The following HYDIN variants were observed in gnomAD, a reference collection of about 807,000 sequenced individuals.
HYDIN encodes HYDIN axonemal central pair apparatus protein, also known as axonemal central pair apparatus protein HYDIN.
Under a neutral mutation model 403.9 loss-of-function variants are expected in HYDIN, and 132 were observed. The observed-to-expected ratio is 0.33, with a 90% CI of 0.28 to 0.38. The LOEUF is 0.38. HYDIN is among the 10% of genes least tolerant of loss of function. HYDIN has a pLI of 1.00. For missense variants in HYDIN, 2,827 were observed against 5,009.5 expected (o/e 0.56, Z 13.15); for synonymous variants, 1,202 against 1,891.7 (o/e 0.64, Z 9.46).
intron 18 of HYDIN, among the ~76,000 whole-genome samples, chr16:71,056,578 G>A (rs1408242312): frequency 6.6e-6 from 1 of 152,060 alleles, no homozygotes; most frequent in Non-Finnish European, 1.5e-5. Context: ...CAGTGGTGCT[G>A]TGCTGTGTGG....
chr16:70,818,991 G>T (rs1370518630), intron 83 of HYDIN, among the ~76,000 whole-genome samples: 1 of 151,962 alleles, frequency 6.6e-6, no homozygotes, highest in Non-Finnish European at 1.5e-5. Context: ...TCGGCTCACT[G>T]CAACTCCCAC....
At chr16:70,991,467 C>T in intron 24 of HYDIN, 71 bp from the exon 25 acceptor site, 4 of 1,586,150 alleles carry the variant, frequency 2.5e-6, no homozygotes, top group Non-Finnish European at 2.6e-6. Context: ...AGGTGCATAA[C>T]AGCCCTGTCT....
Position 70,952,646 on chromosome 16 carries a change from A to G in HYDIN, c.6317-11T>C, listed in dbSNP as rs765947140. On this transcript the variant is annotated splice_polypyrimidine_tract_variant and intron_variant, in intron 40 of 85. Transcript: ENST00000393567. ...CAGCTGCCTCCTGGGCTATAAGGAG[A>G]GGGTGAATTTTTATTAAAAGTCACC... The G allele has an allele frequency of 1.1e-5, 16 of 1,488,584 alleles. No individual in the cohort carries two copies. The South Asian group carries it at 2.0e-4, about 19-fold the overall frequency. 92.2% of individuals were successfully genotyped at this position (1,488,584 alleles called of 1,614,324 possible).
intron 80 of HYDIN, among the ~76,000 whole-genome samples, chr16:70,831,102 C>G (rs2036948318): frequency 6.7e-6 from 1 of 149,266 alleles, no homozygotes; most frequent in African/African-American, 2.5e-5. Flanking sequence ...TCCAGCCTAA[C>G]AGTGTTTTTT....
chr16:71,135,529 G>C (rs1196168206), intron 8 of HYDIN, among the ~76,000 whole-genome samples: 3 of 142,634 alleles, frequency 2.1e-5, no homozygotes, highest in Non-Finnish European at 4.6e-5. Flanking sequence ...TCTTACAATG[G>C]GTACTCACTC....
chr16:71,203,036 G>A (rs1003110403), intron 1 of HYDIN, among the ~76,000 whole-genome samples: 8 of 152,122 alleles, frequency 5.3e-5, no homozygotes, highest in Admixed American at 2.6e-4. Flanking sequence ...ATTTCTTTGG[G>A]CTTGCTGGGC....
intron 42 of HYDIN, among the ~76,000 whole-genome samples, chr16:70,943,220 T>G (rs372791980): frequency 6.6e-6 from 1 of 152,064 alleles, no homozygotes; most frequent in African/African-American, 2.4e-5. Flanking sequence ...AGAATTCTTA[T>G]GGAAAAAAAA....
At chr16:71,164,575 AAATAAAT>A (rs1441151299) in intron 5 of HYDIN, among the ~76,000 whole-genome samples, 1 of 25,946 alleles carries the variant, frequency 3.9e-5, no homozygotes, top group Non-Finnish European at 8.1e-5. Context: ...ACTCACATAT[AAATAAAT>A]ATAAAGCTAA....
intron 19 of HYDIN, among the ~76,000 whole-genome samples, chr16:71,029,062 G>A (rs28582322): frequency 0.028 from 4,205 of 151,908 alleles, 176 homozygotes; most frequent in African/African-American, 0.095. Context: ...ACCTAAGGGA[G>A]TTGTCTAAAA....
At chr16:70,848,274 C>T (rs1040313424) in intron 75 of HYDIN, among the ~76,000 whole-genome samples, 15 of 150,340 alleles carry the variant, frequency 1.0e-4, no homozygotes, top group African/African-American at 3.4e-4. Context: ...GTTCTTTGAA[C>T]ATATTTTAAA....
chr16:71,206,114 T>G (rs1358232223), intron 1 of HYDIN, among the ~76,000 whole-genome samples: 2 of 152,252 alleles, frequency 1.3e-5, no homozygotes, highest in Non-Finnish European at 2.9e-5. Flanking sequence ...CCACACCCAC[T>G]AGAGTTTCCA....
intron 23 of HYDIN, among the ~76,000 whole-genome samples, chr16:71,005,493 G>T (rs1236721396): frequency 6.6e-6 from 1 of 152,096 alleles, no homozygotes. Flanking sequence ...GGCTATGCTG[G>T]CACTGTGATC....
At position 70,818,423 on chromosome 16, in the gene HYDIN, G is replaced by A. The variant is rs763330621; in HGVS notation, c.14577C>T (p.Pro4859=). 5.2e-5 allele frequency: 84 copies of A among 1,612,864 alleles called. 2 individuals are homozygous for A. In the South Asian group the frequency reaches 9.3e-4, roughly 18 times the overall value. ...SASIKLENPL[P]YSVTFSTECR... is the part of the protein sequence containing the mutation. ...ATTCCGTGGAGAAGGTCACCGAGTA[G>A]GGCAGAGGGTTCTCCAACTTGATGG... is the stretch of plus-strand genomic sequence containing the variant. The change falls in exon 84 of 86, where the codon CCC becomes CCT. Residue 4859 remains proline (P), a synonymous_variant. Transcript: ENST00000393567.
intron 45 of HYDIN, among the ~76,000 whole-genome samples, chr16:70,921,963 G>A (rs562383979): frequency 4.6e-5 from 7 of 152,184 alleles, no homozygotes; most frequent in East Asian, 1.9e-4. Flanking sequence ...TGAAATCCTC[G>A]GGTAGGCTCC....
At chr16:71,126,870 T>C (rs538114958) in intron 9 of HYDIN, among the ~76,000 whole-genome samples, 40 of 152,068 alleles carry the variant, frequency 2.6e-4, no homozygotes, top group Admixed American at 1.6e-3. Context: ...CTGAGACTAC[T>C]GTAGCATTTA....
In HYDIN at chr16:70,920,834, C is replaced by T. The variant is rs1849599627; in HGVS notation, c.7542G>A (p.Glu2514=). 6.3e-7 allele frequency: 1 copy of T among 1,577,818 alleles called. No individual in the cohort carries two copies. The highest frequency in any genetic ancestry group is 1.9e-5 in the Admixed American group (1 of 53,144). ...TCTCCGTGCGCTCCTTCTCCAGGCG[C>T]TCTCTCTCCCGGTCCTTGCGGCCCC... ...GRRGRKDRER[E]RLEKERTEKE... Residue 2514 remains glutamate, a synonymous_variant, in exon 46 of 86, where the codon GAG becomes GAA. Transcript: ENST00000393567.
chr16:71,139,137 A>G (rs2085065766), intron 7 of HYDIN, among the ~76,000 whole-genome samples: 1 of 149,530 alleles, frequency 6.7e-6, no homozygotes, highest in Non-Finnish European at 1.5e-5. Context: ...TTTCAAGATG[A>G]GGGTGAACTG....
chr16:71,193,616 C>G (rs1345940728), intron 1 of HYDIN, among the ~76,000 whole-genome samples: 1 of 152,122 alleles, frequency 6.6e-6, no homozygotes, highest in East Asian at 1.9e-4. Flanking sequence ...CCTCTAGGAA[C>G]TCATAAGGAG....
intron 85 of HYDIN, among the ~76,000 whole-genome samples, chr16:70,808,367 T>C (rs976870321): frequency 1.3e-5 from 2 of 152,142 alleles, no homozygotes; most frequent in Non-Finnish European, 2.9e-5. Context: ...TTTCCTTCCA[T>C]GTACATGGAA....
Sources: gnomAD v4.1 joint callset for allele counts (sites outside exome capture counted in the v4.1 genomes callset) on GRCh38, gnomAD v4.1.1 for gene constraint, MANE v1.5 for transcripts, NCBI Gene and HGNC (gene_info 2026-07-23, HGNC 2026-07-21) for gene names.